BMPR2: variants seen among roughly 807,000 people sequenced by gnomAD.
BMPR2 encodes the protein bone morphogenetic protein receptor type-2.
A neutral mutation model predicts 100.8 loss-of-function variants in BMPR2; 29 were observed. That is an observed-to-expected ratio of 0.29 (90% confidence interval 0.21 to 0.39). The LOEUF is 0.39. Among genes scored for constraint, BMPR2 ranks in the 10% least tolerant of loss-of-function variants. The pLI is 1.00. For missense variants in BMPR2, 1,011 were observed against 1,274.5 expected (o/e 0.79, Z 3.15); for synonymous variants, 382 against 442.3 (o/e 0.86, Z 1.71).
intron 1 of BMPR2, among the ~76,000 whole-genome samples, chr2:202,451,453 C>T (rs1691981616): frequency 6.6e-6 from 1 of 152,132 alleles, no homozygotes; most frequent in South Asian, 2.1e-4. Flanking sequence ...AATCCCAGCA[C>T]TTTGGGAGGC....
At chr2:202,464,384 G>A (rs1204373270) in intron 1 of BMPR2, among the ~76,000 whole-genome samples, 1 of 152,066 alleles carries the variant, frequency 6.6e-6, no homozygotes, top group South Asian at 2.1e-4. Flanking sequence ...AATTATGTAT[G>A]TAACTTTGTA....
chr2:202,446,863 G>A (rs1386742516), intron 1 of BMPR2, among the ~76,000 whole-genome samples: 5 of 149,100 alleles, frequency 3.4e-5, no homozygotes, highest in Non-Finnish European at 1.5e-5. Context: ...CGTTGGCCAG[G>A]CTGGTCTCAA....
chr2:202,527,321 C>G (rs759574780), intron 7 of BMPR2, among the ~76,000 whole-genome samples: 18 of 150,602 alleles, frequency 1.2e-4, no homozygotes, highest in Non-Finnish European at 2.2e-4. Context: ...CCTGTCTCTA[C>G]TAAAAATACA....
At position 202,553,435 on chromosome 2, in the gene BMPR2, CT is replaced by C. The variant is rs574783405; in HGVS notation, c.1586+550del. Reference sequence around the variant, plus strand: ...TTAATATTATTTTACAAGACATTTTCTTTGTTAGAACTATGATTTTTGGTTC... The same window carrying C: ...TTAATATTATTTTACAAGACATTTTCTTGTTAGAACTATGATTTTTGGTTC... On this transcript the variant is annotated intron_variant, in intron 11 of 12. Transcript: ENST00000374580. Among the ~76,000 whole-genome samples, 324 of 152,162 alleles carry C rather than the reference CT, an allele frequency of 2.1e-3. 2 individuals are homozygous for C. Among genetic ancestry groups the C allele is most frequent in the African/African-American group, 5.6e-3 (233 of 41,542 alleles).
rs2105959255 is a variant in BMPR2 at position 202,464,388 on chromosome 2, C to G, written c.77-421C>G. On this transcript the variant is annotated intron_variant, in intron 1 of 12. Transcript: ENST00000374580. ...TTACCATACCTAATTATGTATGTAA[C>G]TTTGTATAACTGACTATAAAATATG... Among the ~76,000 whole-genome samples, 7 of 152,102 alleles carry G rather than the reference C, an allele frequency of 4.6e-5. 1 individual carries two copies. The South Asian group carries it at 1.5e-3, about 32-fold the overall frequency.
At chr2:202,425,093 G>A (rs1360676642) in intron 1 of BMPR2, among the ~76,000 whole-genome samples, 2 of 151,926 alleles carry the variant, frequency 1.3e-5, no homozygotes, top group East Asian at 3.9e-4. Flanking sequence ...CTAGTAGCTG[G>A]GACTACAGGC....
intron 7 of BMPR2, among the ~76,000 whole-genome samples, chr2:202,530,316 T>C (rs1248897533): frequency 2.0e-5 from 3 of 152,222 alleles, no homozygotes; most frequent in Admixed American, 1.3e-4. Context: ...CTTAGAGATA[T>C]GGCTAAACCT....
intron 1 of BMPR2, among the ~76,000 whole-genome samples, chr2:202,456,897 AG>A (rs1692119912): frequency 6.6e-6 from 1 of 152,218 alleles, no homozygotes; most frequent in Non-Finnish European, 1.5e-5. Context: ...TAAACTATAC[AG>A]TATACATGGC....
intron 3 of BMPR2, among the ~76,000 whole-genome samples, chr2:202,472,009 T>A (rs1692447988): frequency 1.3e-5 from 2 of 152,104 alleles, no homozygotes; most frequent in Admixed American, 1.3e-4. Flanking sequence ...GGTAAAAGTA[T>A]ATGGTGTATT....
chr2:202,508,196 G>A (rs2882508), intron 3 of BMPR2, among the ~76,000 whole-genome samples: 2,529 of 151,370 alleles, frequency 0.017, 64 homozygotes, highest in Admixed American at 0.046. Context: ...AGGTTCAAGC[G>A]ATTCTTCTGC....
At position 202,410,455 on chromosome 2, in the gene BMPR2, T is replaced by G. The variant is rs144525093; in HGVS notation, c.76+32905T>G. 3.2e-3 allele frequency among the ~76,000 whole-genome samples: 484 copies of G among 152,254 alleles called. 2 individuals are homozygous for G. The highest frequency in any genetic ancestry group is 0.011 in the African/African-American group (462 of 41,554). ...AAAGGATCTAACCAACTTGAAGAGATAGTTCCATTGGTCAAAGCTAAGACA... is the reference window on the plus strand; with the variant it reads ...AAAGGATCTAACCAACTTGAAGAGAGAGTTCCATTGGTCAAAGCTAAGACA... On this transcript the variant is annotated intron_variant, in intron 1 of 12. Coordinates refer to ENST00000374580, the MANE Select transcript of BMPR2 (RefSeq NM_001204.7).
chr2:202,544,589 A>AT (rs1281779313), intron 10 of BMPR2, among the ~76,000 whole-genome samples: 3 of 151,280 alleles, frequency 2.0e-5, no homozygotes, highest in Admixed American at 6.6e-5. Context: ...TATCCTCTTA[A>AT]TTTTTTTTCT....
intron 1 of BMPR2, among the ~76,000 whole-genome samples, chr2:202,397,044 G>A (rs1412656072): frequency 6.6e-6 from 1 of 152,082 alleles, no homozygotes; most frequent in Admixed American, 6.6e-5. Context: ...TGATCCACCC[G>A]CCTCGGCCTC....
chr2:202,544,761 C>CTTTTTTTTTTTT (rs56654364), intron 10 of BMPR2, among the ~76,000 whole-genome samples: 3 of 82,724 alleles, frequency 3.6e-5, no homozygotes, highest in African/African-American at 4.9e-5. Context: ...CTTTTTCTTT[C>CTTTTTTTTTTTT]TTTTTTTTTT....
At position 202,534,172 on chromosome 2, in the gene BMPR2, GTA is replaced by G. The variant is rs534273079; in HGVS notation, c.1276+1451_1276+1452del. 3.8e-3 allele frequency among the ~76,000 whole-genome samples: 560 copies of G among 148,624 alleles called. 5 individuals are homozygous for G. Among genetic ancestry groups the G allele is most frequent in the South Asian group, 0.023 (109 of 4,748 alleles). ...ATTAGTTTATATATATCAAGTGTGTGTATATATATATACACACACACACACAT... is the reference window on the plus strand; with the variant it reads ...ATTAGTTTATATATATCAAGTGTGTGTATATATATACACACACACACACAT... On this transcript the variant is annotated intron_variant, in intron 9 of 12. Coordinates refer to ENST00000374580, the MANE Select transcript of BMPR2 (RefSeq NM_001204.7).
intron 1 of BMPR2, among the ~76,000 whole-genome samples, chr2:202,410,892 A>G (rs1414758772): frequency 1.3e-5 from 2 of 152,108 alleles, no homozygotes; most frequent in Non-Finnish European, 2.9e-5. Context: ...TTATTTTTAA[A>G]AATAATAATA....
chr2:202,437,431 A>G (rs1461899405), intron 1 of BMPR2, among the ~76,000 whole-genome samples: 1 of 150,636 alleles, frequency 6.6e-6, no homozygotes, highest in African/African-American at 2.5e-5. Context: ...CCATTCATAT[A>G]TACATTTTCT....
chr2:202,377,594 G>A, intron 1 of BMPR2, 44 bp downstream of exon 1: 1 of 1,607,986 alleles, frequency 6.2e-7, no homozygotes, highest in Non-Finnish European at 8.5e-7. Context: ...GCCCCTGCGG[G>A]TGGCGAGGGA....
intron 1 of BMPR2, among the ~76,000 whole-genome samples, chr2:202,405,158 C>A (rs1257487045): frequency 6.6e-6 from 1 of 152,012 alleles, no homozygotes. Context: ...CAACATTGGT[C>A]AGCTTTTTCT....
Sources: gnomAD v4.1 joint callset for allele counts (sites outside exome capture counted in the v4.1 genomes callset) on GRCh38, gnomAD v4.1.1 for gene constraint, MANE v1.5 for transcripts, NCBI Gene and HGNC (gene_info 2026-07-23, HGNC 2026-07-21) for gene names.